Variants in DNAH11 observed in about 807,000 individuals in gnomAD.
DNAH11 encodes the protein dynein axonemal heavy chain 11, also known as axonemal beta dynein heavy chain 11.
Under a neutral mutation model 526.0 loss-of-function variants are expected in DNAH11, and 442 were observed. The ratio of observed to expected loss-of-function variants is 0.84; its 90% confidence interval spans 0.78 to 0.91. The LOEUF is 0.91. Ranked by LOEUF, DNAH11 falls within the 40% of genes least tolerant of loss-of-function variation. The pLI, the probability that DNAH11 is intolerant of heterozygous loss-of-function variation, is 0.00. For synonymous variants in DNAH11, 2,461 were observed against 1,935.9 expected (o/e 1.27, Z -7.12); for missense variants, 6,989 against 5,448.7 (o/e 1.28, Z -8.90).
chr7:21,764,731 C>A (rs1320259747), intron 54 of DNAH11, among the ~76,000 whole-genome samples: 1 of 152,170 alleles, frequency 6.6e-6, no homozygotes, highest in African/African-American at 2.4e-5. Context: ...CCGACAGAAT[C>A]CCTTGTGTCC....
rs183566181 is a variant in DNAH11, at chr7:21,731,544, A to T, written c.7441-4096A>T. Among the ~76,000 whole-genome samples, 52 of 152,362 alleles carry T rather than the reference A, an allele frequency of 3.4e-4. No individual in the cohort carries two copies. In the East Asian group the frequency reaches 5.2e-3, roughly 15 times the overall value. ...GTTGATTGAAAAAAGCAACGTACAG[A>T]ATAATCTCTATTTTCTGAAACTGGT... On this transcript the variant is annotated intron_variant, in intron 45 of 81. Transcript: ENST00000409508.
chr7:21,846,075 A>C (rs1782405186), intron 66 of DNAH11, among the ~76,000 whole-genome samples: 1 of 152,194 alleles, frequency 6.6e-6, no homozygotes, highest in African/African-American at 2.4e-5. Context: ...TTTGTATATT[A>C]ATCTGTATCC....
chr7:21,663,287 G>T (rs1782305831), intron 30 of DNAH11, among the ~76,000 whole-genome samples: 1 of 152,040 alleles, frequency 6.6e-6, no homozygotes, highest in Non-Finnish European at 1.5e-5. Context: ...AATAAACATA[G>T]GGGTAGAGAT....
At chr7:21,639,214 A>G (rs936945960) in intron 28 of DNAH11, 149 bp downstream of exon 28, 16 of 969,892 alleles carry the variant, frequency 1.6e-5, no homozygotes, top group Non-Finnish European at 2.4e-5. Context: ...CATCAGAGGG[A>G]TGTCAGAGGC....
Position 21,765,465 on chromosome 7 carries a change from G to A in DNAH11, c.8978G>A (p.Arg2993Lys), listed in dbSNP as rs1298012776. The part of the protein sequence containing the change: ...LCFSPVGRTL[R>K]VRARKFPAIV... ...TTCTCTCCAGTTGGTCGCACGCTGA[G>A]AGTTAGAGCTCGGAAGTTCCCAGCC... The change falls in exon 55 of 82, where the codon AGA (arginine) becomes AAA (lysine). Residue 2993 changes from arginine (R) to lysine (K), a missense_variant. Coordinates refer to ENST00000409508, the MANE Select transcript of DNAH11 (RefSeq NM_001277115.2). 1 of 1,613,878 alleles carries A rather than the reference G, an allele frequency of 6.2e-7. No homozygotes were observed. The highest frequency in any genetic ancestry group is 1.3e-5 in the African/African-American group (1 of 75,028).
chr7:21,605,009 T>G (rs1309525478), intron 18 of DNAH11, among the ~76,000 whole-genome samples: 1 of 152,214 alleles, frequency 6.6e-6, no homozygotes, highest in South Asian at 2.1e-4. Context: ...CCCAACTGTT[T>G]TGATTCCATA....
At chr7:21,657,345 A>C (rs534291023) in intron 29 of DNAH11, among the ~76,000 whole-genome samples, 1 of 152,268 alleles carries the variant, frequency 6.6e-6, no homozygotes, top group African/African-American at 2.4e-5. Flanking sequence ...GAGAAAATGG[A>C]TATGCACATA....
intron 63 of DNAH11, among the ~76,000 whole-genome samples, chr7:21,811,050 C>T (rs934023778): frequency 6.6e-6 from 1 of 152,120 alleles, no homozygotes; most frequent in African/African-American, 2.4e-5. Flanking sequence ...ATGGACAGAA[C>T]GGATTTTTAA....
chr7:21,636,001 C>T lies in DNAH11; in HGVS notation c.4631C>T (p.Ser1544Phe), dbSNP rs1370594077. The T allele has an allele frequency of 1.9e-6, 3 of 1,613,548 alleles. No homozygotes were observed. The highest frequency in any genetic ancestry group is 2.5e-6 in the Non-Finnish European group (3 of 1,179,772). ...TGGATGGAAGTCCAGCGAACTTGGT[C>T]TCACCTGGAAAGCATTTTTGTCTGT... ...FTWMEVQRTWSHLESIFVCSE... is the reference protein window; with the variant it reads ...FTWMEVQRTWFHLESIFVCSE... The change falls in exon 26 of 82, where the codon TCT (serine) becomes TTT (phenylalanine). Residue 1544 changes from serine (S) to phenylalanine (F), a missense_variant. By Grantham distance (155) the Ser-to-Phe change is radical. Coordinates refer to ENST00000409508, the MANE Select transcript of DNAH11 (RefSeq NM_001277115.2).
intron 38 of DNAH11, 60 bp downstream of exon 38, chr7:21,704,688 G>T (rs1784199044): frequency 1.3e-6 from 2 of 1,547,348 alleles, no homozygotes; most frequent in South Asian, 2.5e-5. Flanking sequence ...AATAATTGTG[G>T]CTAATTGATA....
chr7:21,809,965 T>A (rs1048003872), intron 63 of DNAH11, among the ~76,000 whole-genome samples: 1 of 152,122 alleles, frequency 6.6e-6, no homozygotes, highest in Non-Finnish European at 1.5e-5. Context: ...AACTTTAGAG[T>A]TATAGTTGGA....
Position 21,683,753 on chromosome 7 carries a change from C to T in DNAH11, c.5461-31C>T, listed in dbSNP as rs779698989. 3.3e-6 allele frequency: 5 copies of T among 1,533,652 alleles called. No individual in the cohort carries two copies. The South Asian group carries it at 5.4e-5, about 17-fold the overall frequency. ...ACTTGTTGCCCCAAACTACCAGTGT[C>T]CTGCGTATGATGATTATGCAATGCC... is the stretch of plus-strand genomic sequence containing the variant. On this transcript the variant is annotated intron_variant, in intron 31 of 81. Coordinates refer to ENST00000409508, the MANE Select transcript of DNAH11 (RefSeq NM_001277115.2).
chr7:21,647,867 A>G (rs1379653372), intron 28 of DNAH11, among the ~76,000 whole-genome samples: 1 of 152,200 alleles, frequency 6.6e-6, no homozygotes, highest in Admixed American at 6.5e-5. Flanking sequence ...AACTCTTAAG[A>G]TTTCATCACC....
At chr7:21,595,210 G>T (rs556972247) in intron 14 of DNAH11, among the ~76,000 whole-genome samples, 4 of 152,322 alleles carry the variant, frequency 2.6e-5, no homozygotes, top group Non-Finnish European at 5.9e-5. Flanking sequence ...TCCTCACATG[G>T]AGGAAGTTCC....
At chr7:21,548,087 T>TCCCC (rs1782871814) in intron 2 of DNAH11, among the ~76,000 whole-genome samples, 1 of 147,528 alleles carries the variant, frequency 6.8e-6, no homozygotes, top group African/African-American at 2.5e-5. Flanking sequence ...AGCAACCTTC[T>TCCCC]ACCCAACCCA....
At chr7:21,814,499 A>G (rs1411002789) in intron 63 of DNAH11, among the ~76,000 whole-genome samples, 9 of 143,514 alleles carry the variant, frequency 6.3e-5, no homozygotes, top group East Asian at 4.3e-4. Context: ...ATATCTCCCA[A>G]TGCTATCCCT....
chr7:21,839,113 A>G (rs1379685537), intron 65 of DNAH11, among the ~76,000 whole-genome samples: 1 of 152,008 alleles, frequency 6.6e-6, no homozygotes, highest in Admixed American at 6.6e-5. Flanking sequence ...ATCTTTTCAT[A>G]TGCTTATTGG....
In DNAH11 at chr7:21,591,429, C is replaced by T. The variant is rs533005902; in HGVS notation, c.2519C>T (p.Thr840Ile). The change falls in exon 14 of 82, where the codon ACC (threonine) becomes ATC (isoleucine). Residue 840 changes from threonine to isoleucine, a missense_variant. Physicochemically the swap from Thr to Ile is moderately conservative, Grantham distance 89 (BLOSUM62 -1). Coordinates refer to ENST00000409508, the MANE Select transcript of DNAH11 (RefSeq NM_001277115.2). The part of the protein sequence containing the change: ...TQKNVKVIQQ[T>I]MRGWARCVLP... The stretch of plus-strand genomic sequence containing the variant: ...AAAAACGTGAAGGTGATCCAGCAGA[C>T]CATGAGGGGCTGGGCCAGGTGCGTG... 3 of 1,613,890 alleles carry T rather than the reference C, an allele frequency of 1.9e-6. No individual in the cohort carries two copies. The highest frequency in any genetic ancestry group is 2.5e-6 in the Non-Finnish European group (3 of 1,179,858).
chr7:21,867,114 C>T (rs1273256608), intron 71 of DNAH11, among the ~76,000 whole-genome samples: 1 of 152,230 alleles, frequency 6.6e-6, no homozygotes, highest in Non-Finnish European at 1.5e-5. Context: ...AATGCAGTTT[C>T]AAAGCAGAAA....
Sources: allele counts gnomAD v4.1 joint callset (sites outside exome capture counted in the v4.1 genomes callset), GRCh38; gene constraint gnomAD v4.1.1; transcripts MANE v1.5; gene names NCBI Gene and HGNC (gene_info 2026-07-23, HGNC 2026-07-21).